Variants in TMEM232 observed in about 807,000 individuals in gnomAD.
The protein encoded by TMEM232 is transmembrane protein 232.
In TMEM232, 80 loss-of-function variants were observed where a neutral mutation model predicts 78.8. That is an observed-to-expected ratio of 1.01 (90% CI 0.85 to 1.22). The LOEUF (loss-of-function observed/expected upper bound fraction) is 1.22, where lower values mean the gene tolerates loss of function less well. Ranked by LOEUF, TMEM232 falls within the 50% of genes most tolerant of loss-of-function variation. The pLI is 0.00. For synonymous variants in TMEM232, 297 were observed against 254.3 expected (o/e 1.17, Z -1.60); for missense variants, 881 against 742.2 (o/e 1.19, Z -2.17).
intron 12 of TMEM232, among the ~76,000 whole-genome samples, chr5:110,430,609 T>A (rs974580129): frequency 6.6e-6 from 1 of 151,790 alleles, no homozygotes; most frequent in African/African-American, 2.4e-5. Context: ...GTTTTTGTTT[T>A]CCTCTAAAAT....
intron 1 of TMEM232, among the ~76,000 whole-genome samples, chr5:110,720,027 T>C (rs1271555216): frequency 6.6e-6 from 1 of 152,186 alleles, no homozygotes; most frequent in Non-Finnish European, 1.5e-5. Context: ...GTTCAGCTTG[T>C]TGCTCTTAAT....
At chr5:110,628,148 T>A (rs1276846324) in intron 5 of TMEM232, among the ~76,000 whole-genome samples, 2 of 152,116 alleles carry the variant, frequency 1.3e-5, no homozygotes, top group Non-Finnish European at 2.9e-5. Context: ...TTTAGAACAG[T>A]GTTTTTCAAA....
chr5:110,664,028 T>C (rs1001503403), intron 2 of TMEM232, among the ~76,000 whole-genome samples: 1 of 152,068 alleles, frequency 6.6e-6, no homozygotes, highest in Admixed American at 6.6e-5. Flanking sequence ...TGATTCTAGC[T>C]ACTCCAGAGG....
chr5:110,387,988 C>G (rs189296525), exon 5 of TMEM232: 2 of 153,150 alleles, frequency 1.3e-5, no homozygotes, highest in Admixed American at 1.3e-4. Context: ...CAGGGCTCAT[C>G]ATCTAGTGCC....
intron 4 of TMEM232, among the ~76,000 whole-genome samples, chr5:110,640,174 G>T (rs866215728): frequency 2.6e-5 from 4 of 152,172 alleles, no homozygotes; most frequent in African/African-American, 9.7e-5. Flanking sequence ...TAGAGGTCAG[G>T]CTGTGGATGG....
chr5:110,479,475 C>G (rs1199890177), intron 12 of TMEM232, among the ~76,000 whole-genome samples: 1 of 151,720 alleles, frequency 6.6e-6, no homozygotes, highest in African/African-American at 2.4e-5. Context: ...TCAAATACAA[C>G]CTCTATGCTG....
intron 1 of TMEM232, among the ~76,000 whole-genome samples, chr5:110,675,268 C>T (rs143604277): frequency 0.019 from 2,917 of 152,100 alleles, 83 homozygotes; most frequent in African/African-American, 0.067. Flanking sequence ...TGGTCTCGAC[C>T]TCTTGACCTC....
At chr5:110,419,022 T>C (rs755882147), downstream of TMEM232, among the ~76,000 whole-genome samples, 18 of 151,990 alleles carry the variant, frequency 1.2e-4, no homozygotes, top group Non-Finnish European at 2.4e-4. Context: ...GAGGTTTGGA[T>C]GGAAGGATGG....
At chr5:110,738,131 G>C (rs2150399812), upstream of TMEM232, 2 of 988,282 alleles carry the variant, frequency 2.0e-6, no homozygotes, top group South Asian at 3.1e-5. Context: ...TCTTGGAAAA[G>C]CTCTAGGAAT....
chr5:110,603,004 A>G (rs1327475893), intron 10 of TMEM232, among the ~76,000 whole-genome samples: 3 of 152,174 alleles, frequency 2.0e-5, no homozygotes, highest in East Asian at 3.9e-4. Context: ...ACATGGATGA[A>G]GCTGGAAACC....
At chr5:110,622,496 C>T (rs1015681590) in intron 7 of TMEM232, among the ~76,000 whole-genome samples, 2 of 152,124 alleles carry the variant, frequency 1.3e-5, no homozygotes, top group Non-Finnish European at 2.9e-5. Context: ...CCAATTTCAT[C>T]CATGTCCCTA....
At chr5:110,733,167 A>AAAT (rs915190479) in intron 2 of TMEM232, among the ~76,000 whole-genome samples, 6 of 152,052 alleles carry the variant, frequency 3.9e-5, no homozygotes, top group Admixed American at 6.6e-5. Context: ...AAAAAGTAAA[A>AAAT]AATAATAATA....
intron 12 of TMEM232, among the ~76,000 whole-genome samples, chr5:110,452,727 T>C (rs1043304268): frequency 7.2e-5 from 11 of 152,194 alleles, no homozygotes; most frequent in African/African-American, 2.2e-4. Flanking sequence ...TCTTAATGTA[T>C]AGCCTAGTGT....
At chr5:110,473,846 G>T (rs1393959901) in intron 12 of TMEM232, among the ~76,000 whole-genome samples, 1 of 83,496 alleles carries the variant, frequency 1.2e-5, no homozygotes, top group East Asian at 3.9e-4. Context: ...CAATAACATA[G>T]ATAAACCTGG....
chr5:110,554,708 T>C (rs1169973115), intron 11 of TMEM232, among the ~76,000 whole-genome samples: 1 of 152,138 alleles, frequency 6.6e-6, no homozygotes, highest in Non-Finnish European at 1.5e-5. Flanking sequence ...CTCCTCAATT[T>C]TTTGGAATAG....
intron 12 of TMEM232, among the ~76,000 whole-genome samples, chr5:110,427,098 A>T (rs1757322699): frequency 6.6e-6 from 1 of 152,004 alleles, no homozygotes; most frequent in African/African-American, 2.4e-5. Context: ...AATGAAAGAT[A>T]ACACGAGAGA....
chr5:110,479,280 A>G (rs1224151181), intron 12 of TMEM232, among the ~76,000 whole-genome samples: 1 of 151,806 alleles, frequency 6.6e-6, no homozygotes, highest in Admixed American at 6.6e-5. Context: ...TGACTTAGAT[A>G]TTTTTCTCCA....
At chr5:110,609,992 A>G (rs1781986274) in intron 8 of TMEM232, among the ~76,000 whole-genome samples, 1 of 152,010 alleles carries the variant, frequency 6.6e-6, no homozygotes, top group Non-Finnish European at 1.5e-5. Flanking sequence ...AAAGCCCAGG[A>G]ATAATAAACC....
intron 12 of TMEM232, among the ~76,000 whole-genome samples, chr5:110,477,748 A>G (rs1003872104): frequency 6.6e-6 from 1 of 151,894 alleles, no homozygotes; most frequent in Admixed American, 6.6e-5. Context: ...TACTACATCA[A>G]CATCCATCAA....
Sources: allele counts gnomAD v4.1 joint callset (sites outside exome capture counted in the v4.1 genomes callset), GRCh38; gene constraint gnomAD v4.1.1; transcripts MANE v1.5; gene names NCBI Gene and HGNC (gene_info 2026-07-23, HGNC 2026-07-21).